The following TTYH1 variants were observed in gnomAD, a reference collection of about 807,000 sequenced individuals.
TTYH1 encodes the protein tweety family member 1, also known as protein tweety homolog 1.
A neutral mutation model predicts 61.2 loss-of-function variants in TTYH1; 33 were observed. That is an observed-to-expected ratio of 0.54 (90% confidence interval 0.41 to 0.72). The LOEUF is 0.72. Ranked by LOEUF, TTYH1 falls within the 30% of genes least tolerant of loss-of-function variation. The probability of loss-of-function intolerance (pLI) is 0.00; values close to 1 mark genes in which losing one functional copy is unlikely to be tolerated. For synonymous variants in TTYH1, 308 were observed against 266.4 expected, an observed-to-expected ratio of 1.16 and a Z score of -1.52; for missense variants, 538 against 575.8, an observed-to-expected ratio of 0.93 and a Z score of 0.67.
intron 4 of TTYH1, among the ~76,000 whole-genome samples, chr19:54,423,890 C>T (rs187951619): frequency 6.6e-6 from 1 of 152,058 alleles, no homozygotes; most frequent in Non-Finnish European, 1.5e-5. Flanking sequence ...GGACCAGGCA[C>T]GGTGGTTCAC....
chr19:54,422,006 TC>T (rs1374473564), intron 3 of TTYH1, among the ~76,000 whole-genome samples, 183 bp from the exon 4 acceptor site: 2 of 152,066 alleles, frequency 1.3e-5, no homozygotes, highest in Non-Finnish European at 2.9e-5. Flanking sequence ...GCCACAGAAC[TC>T]CATGAACTTG....
In TTYH1 at chr19:54,415,792, C is replaced by T. The variant is rs565867915; in HGVS notation, c.126+114C>T. ...CTGAGCTCCGCCGGAGGCTGGGGGC[C>T]GGCCCGGACTTTGGGGTTTCGGAGG... On this transcript the variant is annotated intron_variant, in intron 1 of 13. Coordinates refer to ENST00000376530, the MANE Select transcript of TTYH1 (RefSeq NM_020659.4). This position sits in a 1 kb window ranked among gnomAD's most constrained non-coding sequence, Gnocchi z 5.2. 3 of 1,224,144 alleles carry T rather than the reference C, an allele frequency of 2.5e-6. No homozygotes were observed. Among genetic ancestry groups the T allele is most frequent in the Admixed American group, 3.1e-5 (1 of 31,820 alleles). The allele number at this position is 1,224,144 out of a possible 1,614,324, so 75.8% of individuals were successfully genotyped here.
At chr19:54,423,601 T>C (rs1334985043) in intron 4 of TTYH1, among the ~76,000 whole-genome samples, 1 of 152,200 alleles carries the variant, frequency 6.6e-6, no homozygotes, top group Non-Finnish European at 1.5e-5. Flanking sequence ...TCTGCCTTGG[T>C]TTCCCCATCT....
chr19:54,436,619 C>T lies in TTYH1; in HGVS notation c.*329C>T, dbSNP rs2083558880. 1 of 579,124 alleles carries T rather than the reference C, an allele frequency of 1.7e-6. No homozygotes were observed. The allele number at this position is 579,124 out of a possible 1,614,324, so 35.9% of individuals were successfully genotyped here. ...GGGGGACATGAGTCCCCCTGCTGCCCCTGCCACATCCCAGTGGGCTCTGAC... is the reference window on the plus strand; with the variant it reads ...GGGGGACATGAGTCCCCCTGCTGCCTCTGCCACATCCCAGTGGGCTCTGAC... On this transcript the variant is annotated 3_prime_UTR_variant, in exon 14 of 14. Coordinates refer to ENST00000376530, the MANE Select transcript of TTYH1 (RefSeq NM_020659.4). The surrounding 1 kb of genome is among the most constrained non-coding windows in gnomAD (Gnocchi z 4.3).
Position 54,416,642 on chromosome 19 carries a change from G to C in TTYH1, c.126+964G>C. ...GATTGGAGAGCTCAGGGGGCGTGGA[G>C]GGGGTCCCAGAAAAGCGCGGAGGGG... On this transcript the variant is annotated intron_variant, in intron 1 of 13. Transcript: ENST00000376530. This position sits in a 1 kb window ranked among gnomAD's most constrained non-coding sequence, Gnocchi z 7.0. The C allele has an allele frequency of 1.2e-6, 1 of 811,350 alleles. No individual in the cohort carries two copies. Among genetic ancestry groups the C allele is most frequent in the South Asian group, 1.6e-5 (1 of 61,658 alleles). 50.3% of individuals were successfully genotyped at this position (811,350 alleles called of 1,614,324 possible). A position where few individuals can be genotyped will look rare whatever the true frequency, so the allele number is the denominator to read the frequency against.
intron 5 of TTYH1, 77 bp downstream of exon 5, chr19:54,426,845 C>T (rs900734489): frequency 7.5e-7 from 1 of 1,331,788 alleles, no homozygotes; most frequent in South Asian, 1.2e-5. Flanking sequence ...TTACAACTCT[C>T]CTACACGGAG....
In TTYH1 at chr19:54,429,918, G is replaced by A; in HGVS notation, c.844G>A (p.Val282Ile). The A allele has an allele frequency of 1.2e-6, 2 of 1,614,048 alleles. No homozygotes were observed. Among genetic ancestry groups the A allele is most frequent in the Non-Finnish European group, 1.7e-6 (2 of 1,179,928 alleles). Residue 282 changes from valine to isoleucine, a missense_variant, in exon 7 of 14, where the codon GTT (valine) becomes ATT (isoleucine). Around this residue, in one of 3 missense-constraint regions of TTYH1, gnomAD observed 378 missense variants for 401.2 expected, o/e 0.94. Coordinates refer to ENST00000376530, the MANE Select transcript of TTYH1 (RefSeq NM_020659.4). This position sits in a 1 kb window ranked among gnomAD's most constrained non-coding sequence, Gnocchi z 5.1. ...SDFCSNPDPY[V>I]LNLTQEETGL... ...CTTCTGCTCCAATCCAGACCCTTAT[G>A]TTCTGAACCTGACCCAGGAGGAGAC...
At chr19:54,435,762 T>TG (rs1174215084) in intron 11 of TTYH1, 66 bp from the exon 12 acceptor site, 78 of 1,610,204 alleles carry the variant, frequency 4.8e-5, no homozygotes, top group Admixed American at 6.7e-5. Flanking sequence ...GCAGTGGGGG[T>TG]GGGGGGTGCA....
chr19:54,427,324 G>T (rs1330720142), intron 5 of TTYH1, among the ~76,000 whole-genome samples: 3 of 103,802 alleles, frequency 2.9e-5, no homozygotes, highest in Non-Finnish European at 5.8e-5. Context: ...AAAAAAAAAA[G>T]GCTGGGCGTG....
At chr19:54,425,419 C>G (rs188199936) in intron 4 of TTYH1, among the ~76,000 whole-genome samples, 1 of 152,200 alleles carries the variant, frequency 6.6e-6, no homozygotes, top group Non-Finnish European at 1.5e-5. Flanking sequence ...GGGTTTCTAT[C>G]CAGATCATTG....
rs78681110 is a variant in TTYH1 at position 54,420,270 on chromosome 19, G to A, written c.305+964G>A. 0.18 allele frequency among the ~76,000 whole-genome samples: 27,150 copies of A among 152,136 alleles called. 3,177 individuals carry two copies. The highest frequency in any genetic ancestry group is 0.35 in the East Asian group (1,782 of 5,160). On this transcript the variant is annotated intron_variant, in intron 2 of 13. Transcript: ENST00000376530. The surrounding 1 kb of genome is among the most constrained non-coding windows in gnomAD (Gnocchi z 4.8). ...GCCAGACGCCTGCCCCGGACCCACA[G>A]CGGGCAAGGGGAGGGACCTGTAGGG... is the stretch of plus-strand genomic sequence containing the variant.
intron 5 of TTYH1, among the ~76,000 whole-genome samples, chr19:54,427,924 T>C (rs2083361387): frequency 6.6e-6 from 1 of 152,042 alleles, no homozygotes; most frequent in African/African-American, 2.4e-5. Context: ...TTTCTGTTTT[T>C]TATTTTGAGA....
At chr19:54,425,573 A>T (rs1569259297) in intron 4 of TTYH1, among the ~76,000 whole-genome samples, 1 of 152,152 alleles carries the variant, frequency 6.6e-6, no homozygotes, top group East Asian at 1.9e-4. Flanking sequence ...TTAAAGGTGG[A>T]TGCGGTCACC....
At chr19:54,424,519 G>T (rs1156554573) in intron 4 of TTYH1, among the ~76,000 whole-genome samples, 3 of 152,246 alleles carry the variant, frequency 2.0e-5, no homozygotes, top group Non-Finnish European at 2.9e-5. Flanking sequence ...AGACAGGCCT[G>T]GGTTTGAAGA....
In TTYH1 at chr19:54,436,466, T is replaced by C. The variant is rs56363036; in HGVS notation, c.*176T>C. The C allele has an allele frequency of 0.03, 43,200 of 1,450,712 alleles. 983 individuals are homozygous for C. The highest frequency in any genetic ancestry group is 0.088 in the South Asian group (7,637 of 86,900). 89.9% of individuals were successfully genotyped at this position (1,450,712 alleles called of 1,614,324 possible). On this transcript the variant is annotated 3_prime_UTR_variant, in exon 14 of 14. Transcript: ENST00000376530. This position sits in a 1 kb window ranked among gnomAD's most constrained non-coding sequence, Gnocchi z 4.3. Reference sequence around the variant, plus strand: ...GGCCACTGTGCTCCCATTTCTGTCCTTGGCCTTGGGAGTAGCTGAGGGGGC... The same window carrying C: ...GGCCACTGTGCTCCCATTTCTGTCCCTGGCCTTGGGAGTAGCTGAGGGGGC...
At position 54,430,555 on chromosome 19, in the gene TTYH1, C is replaced by T; in HGVS notation, c.889C>T (p.Leu297=). 6.2e-7 allele frequency: 1 copy of T among 1,614,060 alleles called. No individual in the cohort carries two copies. The highest frequency in any genetic ancestry group is 8.5e-7 in the Non-Finnish European group (1 of 1,179,970). The change falls in exon 8 of 14, where the codon CTG becomes TTG. Residue 297 remains leucine, a synonymous_variant. Transcript: ENST00000376530. The part of the protein sequence containing the change: ...QEETGLSSDI[L]SYYLLCNRAV... The stretch of plus-strand genomic sequence containing the variant: ...CTCTCCTCCTCCCACTTCAGACATC[C>T]TGAGCTATTATCTCCTCTGCAACCG...
intron 10 of TTYH1, 183 bp downstream of exon 10, chr19:54,431,374 A>G: frequency 1.7e-6 from 1 of 591,034 alleles, no homozygotes. Context: ...TCGTCTACCT[A>G]CCTATCAAGC....
rs899782271 is a variant in TTYH1 at position 54,429,556 on chromosome 19, G to C, written c.807+177G>C. Among the ~76,000 whole-genome samples the C allele has an allele frequency of 6.6e-6, 1 of 152,012 alleles. No individual in the cohort carries two copies. Among genetic ancestry groups the C allele is most frequent in the Non-Finnish European group, 1.5e-5 (1 of 67,998 alleles). On this transcript the variant is annotated intron_variant, in intron 6 of 13. Coordinates refer to ENST00000376530, the MANE Select transcript of TTYH1 (RefSeq NM_020659.4). The surrounding 1 kb of genome is among the most constrained non-coding windows in gnomAD (Gnocchi z 5.1). ...GTGGGTACAGATTGGTGTCCTGGAC[G>C]TTTGAGCTGTAATGGAGGAGGGGCT... is the stretch of plus-strand genomic sequence containing the variant.
At position 54,434,331 on chromosome 19, in the gene TTYH1, A is replaced by G. The variant is rs868794663; in HGVS notation, c.1126-1211A>G. 6.6e-6 allele frequency: 1 copy of G among 152,346 alleles called. No homozygotes were observed. The highest frequency in any genetic ancestry group is 2.4e-5 in the African/African-American group (1 of 41,426). The allele number at this position is 152,346 out of a possible 1,614,324, so 9.4% of individuals were successfully genotyped here. ...AAACGCTCAGTGATTCCCCTCAGAC[A>G]TGGATTAAAATCCCTGTTCCTCGCC... On this transcript the variant is annotated intron_variant, in intron 10 of 13. Coordinates refer to ENST00000376530, the MANE Select transcript of TTYH1 (RefSeq NM_020659.4). This position sits in a 1 kb window ranked among gnomAD's most constrained non-coding sequence, Gnocchi z 4.3.
Sources: allele counts gnomAD v4.1 joint callset (sites outside exome capture counted in the v4.1 genomes callset), GRCh38; gene constraint gnomAD v4.1.1; regional missense constraint gnomAD v4.1.1; non-coding constraint Gnocchi (gnomAD v3.1); transcripts MANE v1.5; gene names NCBI Gene and HGNC (gene_info 2026-07-23, HGNC 2026-07-21).